The following REDIC1 variants were observed in gnomAD, a reference collection of about 807,000 sequenced individuals.
REDIC1 encodes HEI10 Interacting Protein 1.
At chr12:39,774,286 G>A in the REDIC1 span, among the ~76,000 whole-genome samples, 3 of 152,112 alleles carry the variant, frequency 2.0e-5, no homozygotes, top group East Asian at 3.9e-4. Context: ...TTTACTCTAA[G>A]CAACCCAAGT....
At chr12:39,795,622 TGTTATTTCCAGA>T in the REDIC1 span, among the ~76,000 whole-genome samples, 1 of 152,178 alleles carries the variant, frequency 6.6e-6, no homozygotes, top group Non-Finnish European at 1.5e-5. Flanking sequence ...GGATAGACAT[TGTTATTTCCAGA>T]GAAGATTTAC....
the REDIC1 span, chr12:39,908,187 T>C: frequency 1.3e-5 from 2 of 152,088 alleles, no homozygotes; most frequent in African/African-American, 2.4e-5. Context: ...TATCTCTGGA[T>C]ACACAAAGAG....
the REDIC1 span, among the ~76,000 whole-genome samples, chr12:39,856,352 G>A: frequency 2.8e-4 from 42 of 152,028 alleles, no homozygotes; most frequent in South Asian, 8.5e-3. Flanking sequence ...TAACCTCTTT[G>A]CTATGCTTTA....
At chr12:39,873,227 G>A in the REDIC1 span, among the ~76,000 whole-genome samples, 11 of 152,252 alleles carry the variant, frequency 7.2e-5, no homozygotes, top group East Asian at 1.5e-3. Context: ...CTAAAAAGCT[G>A]CCAACCATTT....
At chr12:39,786,797 T>G in the REDIC1 span, among the ~76,000 whole-genome samples, 1 of 152,166 alleles carries the variant, frequency 6.6e-6, no homozygotes, top group African/African-American at 2.4e-5. Flanking sequence ...AAATCCCCTC[T>G]CTCCTGTAAC....
the REDIC1 span, among the ~76,000 whole-genome samples, chr12:39,669,304 A>G: frequency 2.0e-5 from 3 of 152,172 alleles, no homozygotes; most frequent in Non-Finnish European, 2.9e-5. Flanking sequence ...CTGTTGGAGT[A>G]TGCTGGAGGT....
At chr12:39,670,317 A>C in the REDIC1 span, among the ~76,000 whole-genome samples, 2 of 152,096 alleles carry the variant, frequency 1.3e-5, no homozygotes, top group Non-Finnish European at 2.9e-5. Context: ...CAGCCTCCTC[A>C]ATAACTGGGA....
the REDIC1 span, among the ~76,000 whole-genome samples, chr12:39,765,134 C>T: frequency 6.6e-6 from 1 of 152,034 alleles, no homozygotes; most frequent in Non-Finnish European, 1.5e-5. Flanking sequence ...CTGGAAGCTG[C>T]AGTAACACTT....
At chr12:39,719,436 G>A in the REDIC1 span, among the ~76,000 whole-genome samples, 1 of 151,924 alleles carries the variant, frequency 6.6e-6, no homozygotes. Context: ...GACCAGCCTG[G>A]ACAACATGGC....
the REDIC1 span, among the ~76,000 whole-genome samples, chr12:39,719,621 TA>T: frequency 3.2e-4 from 49 of 151,218 alleles, no homozygotes; most frequent in Non-Finnish European, 5.9e-4. Flanking sequence ...CTCAAAAAAA[TA>T]AAAAAAAATC....
chr12:39,889,815 C>G, the REDIC1 span, among the ~76,000 whole-genome samples: 43 of 152,238 alleles, frequency 2.8e-4, no homozygotes, highest in African/African-American at 9.9e-4. Context: ...CAGGTGTGAG[C>G]CACCAGGCCT....
the REDIC1 span, among the ~76,000 whole-genome samples, chr12:39,694,128 GT>G: frequency 1.3e-5 from 2 of 152,092 alleles, no homozygotes; most frequent in Admixed American, 1.3e-4. Flanking sequence ...GCCCCCTTGG[GT>G]TTTGGCATTT....
At chr12:39,870,454 T>C in the REDIC1 span, among the ~76,000 whole-genome samples, 5 of 152,296 alleles carry the variant, frequency 3.3e-5, no homozygotes, top group African/African-American at 1.2e-4. Flanking sequence ...GCTCTGATTA[T>C]TGGGGATATT....
the REDIC1 span, among the ~76,000 whole-genome samples, chr12:39,844,528 G>A: frequency 6.6e-6 from 1 of 152,018 alleles, no homozygotes; most frequent in Non-Finnish European, 1.5e-5. Context: ...GCAACTCAGT[G>A]TTCTTTTTAG....
At chr12:39,731,733 C>T in the REDIC1 span, among the ~76,000 whole-genome samples, 63 of 152,168 alleles carry the variant, frequency 4.1e-4, no homozygotes, top group Middle Eastern at 3.4e-3. Flanking sequence ...CATTTAACTC[C>T]GCTGAAGTTG....
At chr12:39,657,758 AT>A in the REDIC1 span, among the ~76,000 whole-genome samples, 4 of 151,220 alleles carry the variant, frequency 2.6e-5, no homozygotes, top group South Asian at 2.1e-4. Flanking sequence ...CTTATTCTCT[AT>A]TTTTTTCTGA....
chr12:39,686,427 C>G, the REDIC1 span, among the ~76,000 whole-genome samples: 1 of 150,376 alleles, frequency 6.6e-6, no homozygotes, highest in East Asian at 1.9e-4. Context: ...TCCTCTGAAG[C>G]AGCAGACTGA....
the REDIC1 span, among the ~76,000 whole-genome samples, chr12:39,792,740 T>C: frequency 6.6e-6 from 1 of 152,134 alleles, no homozygotes; most frequent in Non-Finnish European, 1.5e-5. Flanking sequence ...GTACTGTATT[T>C]TTTTATTCCT....
At chr12:39,772,005 C>A in the REDIC1 span, among the ~76,000 whole-genome samples, 1 of 152,146 alleles carries the variant, frequency 6.6e-6, no homozygotes, top group African/African-American at 2.4e-5. Flanking sequence ...TACCTCATCA[C>A]CCAAGGCCTG....
Sources: gnomAD v4.1 joint callset for allele counts (sites outside exome capture counted in the v4.1 genomes callset) on GRCh38, gnomAD v4.1.1 for gene constraint, MANE v1.5 for transcripts, NCBI Gene and HGNC (gene_info 2026-07-23, HGNC 2026-07-21) for gene names.